RBKS: variants seen among roughly 807,000 people sequenced by gnomAD.
RBKS encodes ribokinase.
Under a neutral mutation model 33.9 loss-of-function variants are expected in RBKS, and 33 were observed. That is an observed-to-expected ratio of 0.97 (90% CI 0.74 to 1.30). RBKS has a LOEUF of 1.30. RBKS is among the 50% of genes most tolerant of loss of function. RBKS has a pLI of 0.00. For synonymous variants in RBKS, 125 were observed against 143.0 expected, an observed-to-expected ratio of 0.87 and a Z score of 0.90; for missense variants, 361 against 392.6, an observed-to-expected ratio of 0.92 and a Z score of 0.68.
At position 27,862,141 on chromosome 2, in the gene RBKS, G is replaced by C. The variant is rs13431446; in HGVS notation, c.90-3570C>G. 3.4e-3 allele frequency among the ~76,000 whole-genome samples: 521 copies of C among 151,738 alleles called. 4 individuals are homozygous for C. Among genetic ancestry groups the C allele is most frequent in the African/African-American group, 0.012 (503 of 41,374 alleles). ...TTTTTGTATTTTTTTATAGAGACGG[G>C]GTTTTGCCATGTTGCTCAGGCTGGT... On this transcript the variant is annotated intron_variant, in intron 1 of 7. Coordinates refer to ENST00000302188, the MANE Select transcript of RBKS (RefSeq NM_022128.3).
At chr2:27,788,540 C>T (rs1372152487) in intron 7 of RBKS, among the ~76,000 whole-genome samples, 3 of 152,178 alleles carry the variant, frequency 2.0e-5, no homozygotes, top group Non-Finnish European at 4.4e-5. Context: ...CCCGTCTCTA[C>T]TAAAAATACA....
At chr2:27,870,734 G>A (rs1331605988) in intron 1 of RBKS, 1 of 458,034 alleles carries the variant, frequency 2.2e-6, no homozygotes, top group Non-Finnish European at 4.4e-6. Flanking sequence ...ACCAGAAGCT[G>A]TCCAGCCATG....
chr2:27,817,822 G>A (rs1418970949), intron 7 of RBKS, among the ~76,000 whole-genome samples: 1 of 152,182 alleles, frequency 6.6e-6, no homozygotes, highest in Non-Finnish European at 1.5e-5. Flanking sequence ...GAAGGGAAGG[G>A]AGAAGAGCCC....
chr2:27,802,565 A>AG (rs1677819394), intron 7 of RBKS, among the ~76,000 whole-genome samples: 1 of 152,150 alleles, frequency 6.6e-6, no homozygotes, highest in South Asian at 2.1e-4. Flanking sequence ...ACAAAGTTTG[A>AG]GAAAAAATGA....
intron 7 of RBKS, among the ~76,000 whole-genome samples, chr2:27,788,244 CAG>C (rs1421195335): frequency 6.6e-6 from 1 of 151,426 alleles, no homozygotes; most frequent in Non-Finnish European, 1.5e-5. Context: ...TGCAAAAGGA[CAG>C]GGGAAAAAAA....
At chr2:27,805,446 G>A (rs1677877536) in intron 7 of RBKS, among the ~76,000 whole-genome samples, 1 of 152,228 alleles carries the variant, frequency 6.6e-6, no homozygotes, top group Non-Finnish European at 1.5e-5. Context: ...GCTGGTGTGT[G>A]CCATGTTCCA....
Position 27,890,201 on chromosome 2 carries a change from C to G in RBKS, c.89+56G>C. Reference sequence around the variant, plus strand: ...CCCAAAAGCTCCACTGGGCGCATAGCGCACGGCACGCCTCCTCCCCCGAGC... The same window carrying G: ...CCCAAAAGCTCCACTGGGCGCATAGGGCACGGCACGCCTCCTCCCCCGAGC... On this transcript the variant is annotated intron_variant, in intron 1 of 7. Coordinates refer to ENST00000302188, the MANE Select transcript of RBKS (RefSeq NM_022128.3). The surrounding 1 kb of genome is among the most constrained non-coding windows in gnomAD (Gnocchi z 4.8). 6.5e-7 allele frequency: 1 copy of G among 1,547,354 alleles called. No homozygotes were observed. Among genetic ancestry groups the G allele is most frequent in the Non-Finnish European group, 8.9e-7 (1 of 1,125,394 alleles).
chr2:27,792,486 C>A (rs1377027566), intron 7 of RBKS, among the ~76,000 whole-genome samples: 1 of 152,208 alleles, frequency 6.6e-6, no homozygotes, highest in African/African-American at 2.4e-5. Context: ...TGACCAAAAG[C>A]ATTTCTAGTC....
At chr2:27,815,757 G>A (rs904317673) in intron 7 of RBKS, among the ~76,000 whole-genome samples, 1 of 152,154 alleles carries the variant, frequency 6.6e-6, no homozygotes, top group Non-Finnish European at 1.5e-5. Flanking sequence ...AATCCTAATC[G>A]TAGATGGGTA....
Position 27,848,050 on chromosome 2 carries a change from C to A in RBKS, c.270G>T (p.Gln90His). Residue 90 changes from glutamine to histidine, a missense_variant, in exon 3 of 8, where the codon CAG becomes CAT. Physicochemically the swap from Gln to His is conservative, Grantham distance 24 (BLOSUM62 0). Transcript: ENST00000302188. Reference sequence around the variant, plus strand: ...GAATTTTACCTGTAGAAATATCATTCTGTTTTAAGTTTTCTATATAATCAT... The same window carrying A: ...GAATTTTACCTGTAGAAATATCATTATGTTTTAAGTTTTCTATATAATCAT... Reference protein sequence around the residue: ...FGNDYIENLKQNDISTEFTYQ... With the variant: ...FGNDYIENLKHNDISTEFTYQ... 6.7e-7 allele frequency: 1 copy of A among 1,495,048 alleles called. No individual in the cohort carries two copies. The allele number at this position is 1,495,048 out of a possible 1,614,324, so 92.6% of individuals were successfully genotyped here. A position where few individuals can be genotyped will look rare whatever the true frequency, so the allele number is the denominator to read the frequency against.
At chr2:27,829,363 G>GTTTTTTTT (rs35216618) in intron 6 of RBKS, among the ~76,000 whole-genome samples, 2 of 107,360 alleles carry the variant, frequency 1.9e-5, no homozygotes, top group African/African-American at 3.8e-5. Flanking sequence ...GCTTTTCAGT[G>GTTTTTTTT]TTTTTTTTTT....
chr2:27,858,304 T>C (rs1279238171), intron 2 of RBKS, 135 bp downstream of exon 2: 4 of 758,620 alleles, frequency 5.3e-6, no homozygotes, highest in East Asian at 5.4e-5. Context: ...GTTGAATGTA[T>C]TAAATGCCAC....
At chr2:27,857,159 G>A (rs556146174) in intron 2 of RBKS, among the ~76,000 whole-genome samples, 43 of 152,174 alleles carry the variant, frequency 2.8e-4, no homozygotes, top group Non-Finnish European at 4.9e-4. Flanking sequence ...AGTGCTGACT[G>A]CAATGAAAAA....
chr2:27,855,608 G>A (rs563079281), intron 2 of RBKS, among the ~76,000 whole-genome samples: 1 of 152,156 alleles, frequency 6.6e-6, no homozygotes, highest in African/African-American at 2.4e-5. Context: ...TACAATATCT[G>A]CCAGGATTTT....
At chr2:27,781,916 C>T in intron 7 of RBKS, 128 bp from the exon 8 acceptor site, 1 of 783,502 alleles carries the variant, frequency 1.3e-6, no homozygotes, top group Admixed American at 3.3e-5. Context: ...AAGGATAATA[C>T]AGAGTTTCCA....
intron 7 of RBKS, among the ~76,000 whole-genome samples, chr2:27,807,125 AT>A (rs1677911986): frequency 6.6e-6 from 1 of 152,244 alleles, no homozygotes; most frequent in Non-Finnish European, 1.5e-5. Flanking sequence ...TGAAAACAAC[AT>A]GTGGTCTGAA....
At position 27,832,724 on chromosome 2, in the gene RBKS, A is replaced by G; in HGVS notation, c.568T>C (p.Tyr190His). Reference protein sequence around the residue: ...PAIADLDPQFYTLSDVFCCNE... With the variant: ...PAIADLDPQFHTLSDVFCCNE... ...CAGCAGAACACATCTGAGAGGGTGT[A>G]GAACTGGGGATCCAGGTCAGCAATG... Residue 190 changes from tyrosine to histidine, a missense_variant, in exon 6 of 8, where the codon TAC (tyrosine) becomes CAC (histidine). Coordinates refer to ENST00000302188, the MANE Select transcript of RBKS (RefSeq NM_022128.3). 6.2e-7 allele frequency: 1 copy of G among 1,613,742 alleles called. No individual in the cohort carries two copies. The highest frequency in any genetic ancestry group is 1.1e-5 in the South Asian group (1 of 91,070).
At chr2:27,803,706 A>C (rs1372272438) in intron 7 of RBKS, among the ~76,000 whole-genome samples, 2 of 151,654 alleles carry the variant, frequency 1.3e-5, no homozygotes, top group Non-Finnish European at 2.9e-5. Flanking sequence ...TCTCAAAAAA[A>C]AAAAAAAGTC....
rs1168510586 is a variant in RBKS, at chr2:27,837,132, G to T, written c.515-4355C>A. ...ACTAAAAATACAAAAATATTAGCCG[G>T]GCATGGTGGCAGGTGCCTGTAGTCC... On this transcript the variant is annotated intron_variant, in intron 5 of 7. Transcript: ENST00000302188. The surrounding 1 kb of genome is among the most constrained non-coding windows in gnomAD (Gnocchi z 4.0). Among the ~76,000 whole-genome samples, 1 of 151,980 alleles carries T rather than the reference G, an allele frequency of 6.6e-6. No homozygotes were observed. The highest frequency in any genetic ancestry group is 6.5e-5 in the Admixed American group (1 of 15,272).
Sources: gnomAD v4.1 joint callset for allele counts (sites outside exome capture counted in the v4.1 genomes callset) on GRCh38, gnomAD v4.1.1 for gene constraint, Gnocchi (gnomAD v3.1) non-coding constraint, MANE v1.5 for transcripts, NCBI Gene and HGNC (gene_info 2026-07-23, HGNC 2026-07-21) for gene names.